TMEM178B: variants seen among roughly 807,000 people sequenced by gnomAD.
TMEM178B encodes the protein transmembrane protein 178B.
A neutral mutation model predicts 31.0 loss-of-function variants in TMEM178B; 5 were observed. The observed-to-expected ratio is 0.16, with a 90% confidence interval of 0.08 to 0.34. The LOEUF (loss-of-function observed/expected upper bound fraction) is 0.34, where lower values mean the gene tolerates loss of function less well. TMEM178B is among the 10% of genes least tolerant of loss of function. TMEM178B has a pLI of 1.00. For synonymous variants in TMEM178B, 164 were observed against 164.0 expected (o/e 1.00, Z 0.00); for missense variants, 275 against 400.3 (o/e 0.69, Z 2.67).
intron 1 of TMEM178B, among the ~76,000 whole-genome samples, chr7:141,107,077 A>G (rs988163345): frequency 1.2e-4 from 19 of 152,338 alleles, no homozygotes; most frequent in African/African-American, 3.8e-4. Flanking sequence ...GAGATACAGG[A>G]CTAAGAAATA....
chr7:141,106,085 CAA>C (rs3032870), intron 1 of TMEM178B, among the ~76,000 whole-genome samples: 10 of 122,816 alleles, frequency 8.1e-5, no homozygotes, highest in Admixed American at 1.7e-4. Context: ...GACCCTGTCT[CAA>C]AAAAAAAAAA....
intron 1 of TMEM178B, among the ~76,000 whole-genome samples, chr7:141,198,460 G>A (rs1332115668): frequency 1.3e-5 from 2 of 152,232 alleles, no homozygotes; most frequent in Non-Finnish European, 2.9e-5. Flanking sequence ...CAGGAATGAC[G>A]AATTTCCAAG....
At chr7:141,178,968 T>C (rs1563109151) in intron 1 of TMEM178B, among the ~76,000 whole-genome samples, 1 of 152,220 alleles carries the variant, frequency 6.6e-6, no homozygotes, top group Non-Finnish European at 1.5e-5. Context: ...GTTGGGCTTG[T>C]TCCGAACCTC....
chr7:141,320,329 G>A (rs1295289378), intron 2 of TMEM178B, among the ~76,000 whole-genome samples: 2 of 152,128 alleles, frequency 1.3e-5, no homozygotes, highest in Non-Finnish European at 2.9e-5. Flanking sequence ...AAGGGGCTCA[G>A]CACAACGTAT....
chr7:141,467,807 T>C (rs1251739758), intron 3 of TMEM178B, among the ~76,000 whole-genome samples: 1 of 152,058 alleles, frequency 6.6e-6, no homozygotes, highest in Non-Finnish European at 1.5e-5. Context: ...TACCTAAATA[T>C]TTGTCCCCAG....
intron 2 of TMEM178B, among the ~76,000 whole-genome samples, chr7:141,221,196 C>T (rs944395920): frequency 6.6e-6 from 1 of 152,216 alleles, no homozygotes; most frequent in African/African-American, 2.4e-5. Context: ...CTTGCCTCTT[C>T]TTTGTCCTCT....
chr7:141,140,228 C>A (rs1795748556), intron 1 of TMEM178B, among the ~76,000 whole-genome samples: 1 of 152,186 alleles, frequency 6.6e-6, no homozygotes. Context: ...TCCTTCCTGC[C>A]AGAGGGCCTT....
intron 2 of TMEM178B, among the ~76,000 whole-genome samples, chr7:141,312,437 A>G (rs1798927457): frequency 6.6e-6 from 1 of 152,246 alleles, no homozygotes; most frequent in African/African-American, 2.4e-5. Context: ...TGTGGCTAAC[A>G]AAGAGAAAGC....
chr7:141,214,043 T>TTA (rs1797092143), intron 2 of TMEM178B, among the ~76,000 whole-genome samples: 2 of 152,338 alleles, frequency 1.3e-5, no homozygotes, highest in Admixed American at 6.5e-5. Context: ...AATTTCAATG[T>TTA]TATATTTGCC....
intron 2 of TMEM178B, among the ~76,000 whole-genome samples, chr7:141,261,734 G>A (rs1358082079): frequency 1.3e-5 from 2 of 152,144 alleles, no homozygotes; most frequent in Non-Finnish European, 2.9e-5. Flanking sequence ...GGAAAGAAAA[G>A]TGGAGTCCAA....
At chr7:141,452,553 C>A (rs1235752239) in intron 3 of TMEM178B, among the ~76,000 whole-genome samples, 1 of 152,122 alleles carries the variant, frequency 6.6e-6, no homozygotes, top group Non-Finnish European at 1.5e-5. Context: ...GTTTCCATTC[C>A]CTGAGTGCCA....
intron 2 of TMEM178B, among the ~76,000 whole-genome samples, chr7:141,376,481 T>A (rs1057032948): frequency 6.6e-6 from 1 of 152,364 alleles, no homozygotes; most frequent in Non-Finnish European, 1.5e-5. Context: ...TGTAACAGCC[T>A]GATGTTATAT....
chr7:141,299,940 A>G (rs1469568797), intron 2 of TMEM178B, among the ~76,000 whole-genome samples: 1 of 151,956 alleles, frequency 6.6e-6, no homozygotes, highest in Non-Finnish European at 1.5e-5. Context: ...ATGTGTCATC[A>G]TGTCTGGCTA....
rs1432951741 is a variant in TMEM178B, at chr7:141,215,774, T to TTTCCTTCC, written c.496+3076_496+3077insCCTTCCTT. On this transcript the variant is annotated intron_variant, in intron 2 of 3. Transcript: ENST00000565468. ...CTTTGGTTAAATTTGAATTATATACTTTCCTTTCTTTCTTTCTTTCTTTCT... is the reference window on the plus strand; with the variant it reads ...CTTTGGTTAAATTTGAATTATATACTTTCCTTCCTTCCTTTCTTTCTTTCTTTCTTTCT... Among the ~76,000 whole-genome samples, 64 of 144,536 alleles carry TTTCCTTCC rather than the reference T, an allele frequency of 4.4e-4. No homozygotes were observed. In the East Asian group the frequency reaches 0.011, roughly 25 times the overall value. 94.8% of individuals were successfully genotyped at this position (144,536 alleles called of 152,430 possible). A position where few individuals can be genotyped will look rare whatever the true frequency, so the allele number is the denominator to read the frequency against.
At chr7:141,369,224 T>C (rs1028243664) in intron 2 of TMEM178B, among the ~76,000 whole-genome samples, 1 of 152,144 alleles carries the variant, frequency 6.6e-6, no homozygotes, top group African/African-American at 2.4e-5. Flanking sequence ...AATAAAGATG[T>C]AGTTTCTTAA....
At chr7:141,263,092 C>T (rs939478508) in intron 2 of TMEM178B, among the ~76,000 whole-genome samples, 2 of 152,108 alleles carry the variant, frequency 1.3e-5, no homozygotes, top group East Asian at 3.8e-4. Flanking sequence ...GACACTAAAC[C>T]ACTGCAGATA....
chr7:141,211,775 A>G lies in TMEM178B; in HGVS notation c.383-816A>G, dbSNP rs547040969. On this transcript the variant is annotated intron_variant, in intron 1 of 3. Coordinates refer to ENST00000565468, the MANE Select transcript of TMEM178B (RefSeq NM_001195278.2). Reference sequence around the variant, plus strand: ...AGTTTCTCCAAGGCAGTGGTTCTCAAACTTAAGTGTGTAATAAAATCCCTG... The same window carrying G: ...AGTTTCTCCAAGGCAGTGGTTCTCAGACTTAAGTGTGTAATAAAATCCCTG... 6.6e-5 allele frequency among the ~76,000 whole-genome samples: 10 copies of G among 152,290 alleles called. No homozygotes were observed. In the East Asian group the frequency reaches 1.7e-3, roughly 27 times the overall value.
chr7:141,425,901 A>G (rs1273582375), intron 2 of TMEM178B, among the ~76,000 whole-genome samples: 2 of 152,158 alleles, frequency 1.3e-5, no homozygotes, highest in Admixed American at 1.3e-4. Flanking sequence ...GTTTCCACAG[A>G]AACTACCTTC....
At chr7:141,390,218 G>C (rs534372119) in intron 2 of TMEM178B, among the ~76,000 whole-genome samples, 47 of 152,266 alleles carry the variant, frequency 3.1e-4, no homozygotes, top group African/African-American at 1.1e-3. Flanking sequence ...CTCTCTCTGC[G>C]ACCTTCCTTC....
Sources: gnomAD v4.1 joint callset for allele counts (sites outside exome capture counted in the v4.1 genomes callset) on GRCh38, gnomAD v4.1.1 for gene constraint, MANE v1.5 for transcripts, NCBI Gene and HGNC (gene_info 2026-07-23, HGNC 2026-07-21) for gene names.